The following PCDHGA2 variants were observed in gnomAD, a reference collection of about 807,000 sequenced individuals.
The protein encoded by PCDHGA2 is protocadherin gamma-A2.
Under a neutral mutation model 59.2 loss-of-function variants are expected in PCDHGA2, and 40 were observed. That is an observed-to-expected ratio of 0.68 (90% CI 0.52 to 0.88). The LOEUF (loss-of-function observed/expected upper bound fraction) is 0.88. PCDHGA2 is among the 40% of genes least tolerant of loss of function. PCDHGA2 has a pLI of 0.00. For synonymous variants in PCDHGA2, 560 were observed against 526.0 expected, an observed-to-expected ratio of 1.06 and a Z score of -0.89; for missense variants, 1,226 against 1,204.0, an observed-to-expected ratio of 1.02 and a Z score of -0.27.
intron 1 of PCDHGA2, among the ~76,000 whole-genome samples, chr5:141,460,703 G>A (rs1009662968): frequency 6.6e-6 from 1 of 151,534 alleles, no homozygotes; most frequent in Non-Finnish European, 1.5e-5. Flanking sequence ...AGTTGAATGA[G>A]AATAAACTAT....
chr5:141,490,142 C>T lies in PCDHGA2; in HGVS notation c.2425-4665C>T. On this transcript the variant is annotated intron_variant, in intron 1 of 3. Transcript: ENST00000394576. This position sits in a 1 kb window ranked among gnomAD's most constrained non-coding sequence, Gnocchi z 5.4. ...TTTGGCCTAGACCCTAGCAGTGGGG[C>T]AATCCATGTGTTGGGTCCCATAGAC... 2 of 1,614,220 alleles carry T rather than the reference C, an allele frequency of 1.2e-6. No individual in the cohort carries two copies. Among genetic ancestry groups the T allele is most frequent in the South Asian group, 1.1e-5 (1 of 91,088 alleles).
intron 2 of PCDHGA2, among the ~76,000 whole-genome samples, chr5:141,502,865 T>C (rs538731947): frequency 3.0e-5 from 4 of 131,428 alleles, no homozygotes; most frequent in Non-Finnish European, 6.3e-5. Context: ...TGACTCTCTG[T>C]CTTTTTTTTT....
In PCDHGA2 at chr5:141,490,823, A is replaced by T. The variant is rs1340589166; in HGVS notation, c.2425-3984A>T. ...CGTACCTTTGACTATGAATTGCTGC[A>T]GATGCTGCAGATTGTGGTGGGGGTT... On this transcript the variant is annotated intron_variant, in intron 1 of 3. Transcript: ENST00000394576. This position sits in a 1 kb window ranked among gnomAD's most constrained non-coding sequence, Gnocchi z 5.4. 13 of 1,613,928 alleles carry T rather than the reference A, an allele frequency of 8.1e-6. No individual in the cohort carries two copies. Among genetic ancestry groups the T allele is most frequent in the Non-Finnish European group, 9.3e-6 (11 of 1,179,864 alleles).
intron 1 of PCDHGA2, chr5:141,427,785 TC>T: frequency 6.8e-7 from 1 of 1,470,156 alleles, no homozygotes; most frequent in Non-Finnish European, 9.4e-7. Flanking sequence ...GGCACTGTCG[TC>T]CTACGTGTCC....
At position 141,490,448 on chromosome 5, in the gene PCDHGA2, A is replaced by C. The variant is rs1309104827; in HGVS notation, c.2425-4359A>C. 1 of 1,614,206 alleles carries C rather than the reference A, an allele frequency of 6.2e-7. No homozygotes were observed. Among genetic ancestry groups the C allele is most frequent in the Admixed American group, 1.7e-5 (1 of 60,030 alleles). ...TTTCAGATTAAGCCTTCTGAGAACC[A>C]CTACTCGCTGCTAACCAGCCAGCCT... is the stretch of plus-strand genomic sequence containing the variant. On this transcript the variant is annotated intron_variant, in intron 1 of 3. Coordinates refer to ENST00000394576, the MANE Select transcript of PCDHGA2 (RefSeq NM_018915.4). This position sits in a 1 kb window ranked among gnomAD's most constrained non-coding sequence, Gnocchi z 5.4.
At chr5:141,346,173 C>T in intron 1 of PCDHGA2, 2 of 1,614,048 alleles carry the variant, frequency 1.2e-6, no homozygotes, top group Non-Finnish European at 1.7e-6. Flanking sequence ...GCTGCTGGCG[C>T]TCAGGCTGCG....
chr5:141,438,983 T>C (rs1296267457), intron 1 of PCDHGA2, among the ~76,000 whole-genome samples: 1 of 151,930 alleles, frequency 6.6e-6, no homozygotes, highest in Non-Finnish European at 1.5e-5. Context: ...TGACTTATCT[T>C]AAAAGGCTAA....
In PCDHGA2 at chr5:141,476,040, G is replaced by A; in HGVS notation, c.2425-18767G>A. 2.0e-6 allele frequency: 3 copies of A among 1,488,704 alleles called. No individual in the cohort carries two copies. Among genetic ancestry groups the A allele is most frequent in the Admixed American group, 2.2e-5 (1 of 44,984 alleles). 92.2% of individuals were successfully genotyped at this position (1,488,704 alleles called of 1,614,324 possible). On this transcript the variant is annotated intron_variant, in intron 1 of 3. Coordinates refer to ENST00000394576, the MANE Select transcript of PCDHGA2 (RefSeq NM_018915.4). The surrounding 1 kb of genome is among the most constrained non-coding windows in gnomAD (Gnocchi z 7.6). The stretch of plus-strand genomic sequence containing the variant: ...CGGACTCGGCGCCCAGCGCCCAAGC[G>A]CTAACCCGCTGAAAGTTTCTCAGCG...
At chr5:141,353,528 T>G (rs1236615692) in intron 1 of PCDHGA2, among the ~76,000 whole-genome samples, 2 of 152,208 alleles carry the variant, frequency 1.3e-5, no homozygotes, top group Non-Finnish European at 2.9e-5. Context: ...AATTTTATAT[T>G]TGCATCACTA....
chr5:141,351,992 G>T (rs773093816), intron 1 of PCDHGA2: 3 of 1,611,004 alleles, frequency 1.9e-6, no homozygotes, highest in Non-Finnish European at 2.5e-6. Flanking sequence ...GCCACGCGCC[G>T]CAGAGCCCGG....
At chr5:141,348,682 T>C (rs1292649439) in intron 1 of PCDHGA2, among the ~76,000 whole-genome samples, 1 of 152,156 alleles carries the variant, frequency 6.6e-6, no homozygotes, top group East Asian at 1.9e-4. Flanking sequence ...TTTATTTTTA[T>C]TTTTTTGAAG....
intron 1 of PCDHGA2, chr5:141,375,805 C>T: frequency 6.2e-7 from 1 of 1,614,214 alleles, no homozygotes; most frequent in South Asian, 1.1e-5. Flanking sequence ...GTTCCACTGG[C>T]GTGGAGCTGG....
In PCDHGA2 at chr5:141,476,303, G is replaced by T. The variant is rs747567754; in HGVS notation, c.2425-18504G>T. ...TGGTTTGGATCTCGGTAGCCTCTCA[G>T]CCCGCAGGTTCCGGGTGGTGTCTGG... is the stretch of plus-strand genomic sequence containing the variant. On this transcript the variant is annotated intron_variant, in intron 1 of 3. Coordinates refer to ENST00000394576, the MANE Select transcript of PCDHGA2 (RefSeq NM_018915.4). The surrounding 1 kb of genome is among the most constrained non-coding windows in gnomAD (Gnocchi z 7.6). 6.2e-7 allele frequency: 1 copy of T among 1,613,872 alleles called. No individual in the cohort carries two copies. Among genetic ancestry groups the T allele is most frequent in the Admixed American group, 1.7e-5 (1 of 60,000 alleles).
intron 1 of PCDHGA2, chr5:141,350,429 C>A: frequency 6.2e-7 from 1 of 1,609,800 alleles, no homozygotes; most frequent in Non-Finnish European, 8.5e-7. Context: ...GCTCAGTGTC[C>A]GGGAGTTGCC....
intron 1 of PCDHGA2, among the ~76,000 whole-genome samples, chr5:141,433,573 C>T (rs1400327372): frequency 1.3e-5 from 2 of 152,046 alleles, no homozygotes; most frequent in Admixed American, 1.3e-4. Flanking sequence ...CGGTGGCTCA[C>T]GCCTGTAATC....
chr5:141,371,779 C>T (rs1376819850), intron 1 of PCDHGA2: 2 of 1,614,012 alleles, frequency 1.2e-6, no homozygotes, highest in Non-Finnish European at 1.7e-6. Context: ...GTGCATGTAG[C>T]TGAGAACAAT....
chr5:141,484,002 A>T, intron 1 of PCDHGA2, among the ~76,000 whole-genome samples: 1 of 25,484 alleles, frequency 3.9e-5, no homozygotes, highest in African/African-American at 1.7e-4. Context: ...GGAGGTCTGG[A>T]TGAGGGTGGG....
chr5:141,431,216 C>A lies in PCDHGA2; in HGVS notation c.2425-63591C>A. On this transcript the variant is annotated intron_variant, in intron 1 of 3. Coordinates refer to ENST00000394576, the MANE Select transcript of PCDHGA2 (RefSeq NM_018915.4). The surrounding 1 kb of genome is among the most constrained non-coding windows in gnomAD (Gnocchi z 4.8). ...AAATGCAGCCACTGAGATGCGGTTC[C>A]CTCTACCCCACGCCTGGGATCCGGA... The A allele has an allele frequency of 6.2e-7, 1 of 1,614,162 alleles. No homozygotes were observed. The highest frequency in any genetic ancestry group is 8.5e-7 in the Non-Finnish European group (1 of 1,180,048).
rs751692866 is a variant in PCDHGA2 at position 141,356,729 on chromosome 5, A to G, written c.2424+15334A>G. The stretch of plus-strand genomic sequence containing the variant: ...TCCTCCTATGTCTCCATCAACTCCA[A>G]TACAGGGATCCTATATGCTCTTTGC... On this transcript the variant is annotated intron_variant, in intron 1 of 3. Transcript: ENST00000394576. 14 of 1,613,954 alleles carry G rather than the reference A, an allele frequency of 8.7e-6. No individual in the cohort carries two copies. Among genetic ancestry groups the G allele is most frequent in the Non-Finnish European group, 1.0e-5 (12 of 1,179,864 alleles).
Sources: allele counts gnomAD v4.1 joint callset (sites outside exome capture counted in the v4.1 genomes callset), GRCh38; gene constraint gnomAD v4.1.1; non-coding constraint Gnocchi (gnomAD v3.1); transcripts MANE v1.5; gene names NCBI Gene and HGNC (gene_info 2026-07-23, HGNC 2026-07-21).